PLD5: variants seen among roughly 807,000 people sequenced by gnomAD.
The protein encoded by PLD5 is inactive phospholipase D5.
PLD5 carries 36 observed loss-of-function variants against 61.1 expected under a neutral mutation model. The observed-to-expected ratio is 0.59, with a 90% CI of 0.45 to 0.78. The LOEUF is 0.78. Among genes scored for constraint, PLD5 ranks in the 30% least tolerant of loss-of-function variants. PLD5 has a pLI of 0.00. For synonymous variants in PLD5, 243 were observed against 242.8 expected (o/e 1.00, Z -0.01); for missense variants, 515 against 644.4 (o/e 0.80, Z 2.17).
chr1:242,471,543 T>C (rs952410125), intron 1 of PLD5, among the ~76,000 whole-genome samples: 6 of 152,120 alleles, frequency 3.9e-5, no homozygotes, highest in Non-Finnish European at 4.4e-5. Context: ...TATCTAGTAC[T>C]GTAAATACTA....
intron 1 of PLD5, among the ~76,000 whole-genome samples, chr1:242,471,657 T>C (rs1360848790): frequency 6.6e-6 from 1 of 152,058 alleles, no homozygotes; most frequent in Non-Finnish European, 1.5e-5. Flanking sequence ...CAGAGGAGAA[T>C]TTAAAGAAGT....
At chr1:242,375,661 C>A (rs1268202921) in intron 1 of PLD5, among the ~76,000 whole-genome samples, 1 of 151,836 alleles carries the variant, frequency 6.6e-6, no homozygotes, top group Non-Finnish European at 1.5e-5. Flanking sequence ...ATATAAAATG[C>A]AAAAGAAAAC....
intron 1 of PLD5, among the ~76,000 whole-genome samples, chr1:242,349,738 A>G (rs1558487282): frequency 1.3e-5 from 2 of 152,202 alleles, no homozygotes; most frequent in African/African-American, 2.4e-5. Context: ...ACTGTGACAA[A>G]TCATTTTGAC....
At chr1:242,189,397 G>A (rs567695616) in intron 5 of PLD5, among the ~76,000 whole-genome samples, 4 of 130,876 alleles carry the variant, frequency 3.1e-5, no homozygotes, top group Non-Finnish European at 4.6e-5. Context: ...AGTGAGCTGA[G>A]ATCATGCCAC....
intron 3 of PLD5, among the ~76,000 whole-genome samples, chr1:242,284,843 T>A (rs896219588): frequency 6.6e-6 from 1 of 152,152 alleles, no homozygotes; most frequent in Non-Finnish European, 1.5e-5. Context: ...TTAATCCATT[T>A]AATTCCCAAA....
chr1:242,485,728 T>A (rs1310132325), intron 1 of PLD5, among the ~76,000 whole-genome samples: 6 of 152,192 alleles, frequency 3.9e-5, no homozygotes, highest in Non-Finnish European at 8.8e-5. Context: ...AAAGTTCATA[T>A]GGAACCAAAA....
chr1:242,115,664 A>AAACAAAAAAAAATCG (rs1661889509), intron 6 of PLD5, among the ~76,000 whole-genome samples: 1 of 151,300 alleles, frequency 6.6e-6, no homozygotes, highest in Non-Finnish European at 1.5e-5. Flanking sequence ...TCTAAAAAAA[A>AAACAAAAAAAAATCG]AAAAATCTTG....
chr1:242,236,293 G>A (rs889105219), intron 4 of PLD5, among the ~76,000 whole-genome samples: 1 of 152,160 alleles, frequency 6.6e-6, no homozygotes, highest in African/African-American at 2.4e-5. Flanking sequence ...ATAGCAGCCT[G>A]AACAGACTGA....
chr1:242,314,618 C>T (rs1676897604), intron 2 of PLD5, among the ~76,000 whole-genome samples: 1 of 152,128 alleles, frequency 6.6e-6, no homozygotes. Flanking sequence ...CTTCTTTTCC[C>T]TCCAAATAAG....
intron 6 of PLD5, among the ~76,000 whole-genome samples, chr1:242,124,077 C>T (rs1662591152): frequency 2.0e-5 from 3 of 152,172 alleles, no homozygotes; most frequent in Admixed American, 6.5e-5. Context: ...CAATGTAGGG[C>T]ATTGAAAACA....
chr1:242,098,908 G>T (rs1004926126), intron 9 of PLD5, among the ~76,000 whole-genome samples: 2 of 152,136 alleles, frequency 1.3e-5, no homozygotes, highest in Admixed American at 6.6e-5. Context: ...CTGCCTGATC[G>T]TTCCTCTGGA....
At chr1:242,160,021 T>A (rs1574418786) in intron 5 of PLD5, among the ~76,000 whole-genome samples, 1 of 152,146 alleles carries the variant, frequency 6.6e-6, no homozygotes. Context: ...CTTTTATTTT[T>A]TTTTGAGATA....
At chr1:242,394,446 G>GTATA (rs1321208713) in intron 1 of PLD5, among the ~76,000 whole-genome samples, 1 of 96,458 alleles carries the variant, frequency 1.0e-5, no homozygotes, top group African/African-American at 4.8e-5. Context: ...ATATATGTGT[G>GTATA]TATATGAGTA....
intron 3 of PLD5, among the ~76,000 whole-genome samples, chr1:242,281,536 C>CAG (rs1469657123): frequency 6.6e-6 from 1 of 152,090 alleles, no homozygotes; most frequent in Non-Finnish European, 1.5e-5. Context: ...TATACACACA[C>CAG]ACACGTGCAA....
intron 1 of PLD5, among the ~76,000 whole-genome samples, chr1:242,467,136 G>A (rs545360206): frequency 1.1e-4 from 17 of 152,048 alleles, no homozygotes; most frequent in Non-Finnish European, 2.2e-4. Flanking sequence ...GTGAAGTGAC[G>A]GATATGTTAA....
At chr1:242,198,321 A>C (rs990735370) in intron 5 of PLD5, among the ~76,000 whole-genome samples, 1 of 152,220 alleles carries the variant, frequency 6.6e-6, no homozygotes, top group African/African-American at 2.4e-5. Context: ...AATTTACATC[A>C]GTAGTGTGTG....
At chr1:242,202,989 A>G (rs1031524946) in intron 5 of PLD5, among the ~76,000 whole-genome samples, 3 of 152,150 alleles carry the variant, frequency 2.0e-5, no homozygotes, top group African/African-American at 4.8e-5. Context: ...CGTATATAAA[A>G]ACAGAACTTT....
upstream of PLD5, among the ~76,000 whole-genome samples, chr1:242,525,015 C>T (rs1023169029): frequency 6.6e-6 from 1 of 152,170 alleles, no homozygotes; most frequent in Non-Finnish European, 1.5e-5. Context: ...AGGAAACCAC[C>T]TCCGCCCTTC....
chr1:242,477,207 G>A (rs190877751), intron 1 of PLD5, among the ~76,000 whole-genome samples: 3 of 152,062 alleles, frequency 2.0e-5, no homozygotes, highest in Non-Finnish European at 4.4e-5. Context: ...CTGAGATCAC[G>A]TCATTGCCCT....
Sources: gnomAD v4.1 joint callset for allele counts (sites outside exome capture counted in the v4.1 genomes callset) on GRCh38, gnomAD v4.1.1 for gene constraint, MANE v1.5 for transcripts, NCBI Gene and HGNC (gene_info 2026-07-23, HGNC 2026-07-21) for gene names.